ITGA6: variants seen among roughly 807,000 people sequenced by gnomAD.
The protein encoded by ITGA6 is integrin alpha-6.
In ITGA6, 63 loss-of-function variants were observed where a neutral mutation model predicts 133.6. That is an observed-to-expected ratio of 0.47 (90% CI 0.38 to 0.58). ITGA6 has a LOEUF of 0.58. ITGA6 is among the 20% of genes least tolerant of loss of function. The pLI is 0.00. For synonymous variants in ITGA6, 434 were observed against 482.0 expected (o/e 0.90, Z 1.30); for missense variants, 1,068 against 1,309.4 (o/e 0.82, Z 2.85).
At position 172,505,689 on chromosome 2, in the gene ITGA6, A is replaced by G. The variant is rs1012496330; in HGVS notation, c.*1621A>G. 3 of 152,622 alleles carry G rather than the reference A, an allele frequency of 2.0e-5. No homozygotes were observed. The highest frequency in any genetic ancestry group is 4.4e-5 in the Non-Finnish European group (3 of 68,022). 9.5% of individuals were successfully genotyped at this position (152,622 alleles called of 1,614,324 possible). A position where few individuals can be genotyped will look rare whatever the true frequency, so the allele number is the denominator to read the frequency against. Reference sequence around the variant, plus strand: ...TAAGCAGTGTCTGTGTTTTGAAAGAATAGAACACAGTTTGTAGTGCCACTG... The same window carrying G: ...TAAGCAGTGTCTGTGTTTTGAAAGAGTAGAACACAGTTTGTAGTGCCACTG... On this transcript the variant is annotated 3_prime_UTR_variant, in exon 26 of 26. Coordinates refer to ENST00000684293, the MANE Select transcript of ITGA6 (RefSeq NM_000210.4).
intron 1 of ITGA6, among the ~76,000 whole-genome samples, chr2:172,440,838 T>G (rs2149001731): frequency 6.6e-6 from 1 of 152,352 alleles, no homozygotes; most frequent in East Asian, 1.9e-4. Context: ...ATGTTGTTAG[T>G]ACTCCTTAAC....
At chr2:172,501,690 C>A in intron 24 of ITGA6, 82 bp from the exon 25 acceptor site, 2 of 1,396,960 alleles carry the variant, frequency 1.4e-6, no homozygotes, top group Non-Finnish European at 2.0e-6. Context: ...TAGTAGAAGG[C>A]AGATTAAAAT....
chr2:172,499,714 T>G (rs1213332707), intron 24 of ITGA6, among the ~76,000 whole-genome samples: 1 of 152,130 alleles, frequency 6.6e-6, no homozygotes, highest in Non-Finnish European at 1.5e-5. Context: ...TATTTGAGGA[T>G]GATGTTGTGT....
chr2:172,431,021 C>T (rs75918631), intron 1 of ITGA6, among the ~76,000 whole-genome samples: 9,587 of 152,214 alleles, frequency 0.063, 392 homozygotes, highest in South Asian at 0.18. Context: ...GAGATAGTCT[C>T]ATGAAGTCAT....
chr2:172,468,433 T>C (rs536854246), intron 3 of ITGA6, among the ~76,000 whole-genome samples: 27 of 152,328 alleles, frequency 1.8e-4, no homozygotes, highest in African/African-American at 3.8e-4. Context: ...AGTTTTGATA[T>C]TTAAGGAATG....
At chr2:172,476,893 G>A (rs1686197687) in intron 9 of ITGA6, among the ~76,000 whole-genome samples, 3 of 152,124 alleles carry the variant, frequency 2.0e-5, no homozygotes, top group Admixed American at 2.0e-4. Context: ...TCTGTGATTG[G>A]ACCATGTATA....
Position 172,501,790 on chromosome 2 carries a change from A to G in ITGA6, c.3133A>G (p.Asn1045Asp), listed in dbSNP as rs761099868. 5.6e-6 allele frequency: 9 copies of G among 1,612,746 alleles called. No individual in the cohort carries two copies. The South Asian group carries it at 9.9e-5, about 18-fold the overall frequency. ...ILWKCGFFKR[N>D]KKDHYDATYH... ...CTTGTAGTGTGGTTTCTTCAAGAGAAATAAGAAAGATCATTATGATGCCAC... is the reference window on the plus strand; with the variant it reads ...CTTGTAGTGTGGTTTCTTCAAGAGAGATAAGAAAGATCATTATGATGCCAC... The change falls in exon 25 of 26, where the codon AAT becomes GAT. Residue 1045 changes from asparagine to aspartate, a missense_variant. This residue lies in a region of ITGA6 where 609 missense variants were observed against 707.2 expected (regional missense o/e 0.86). Coordinates refer to ENST00000684293, the MANE Select transcript of ITGA6 (RefSeq NM_000210.4).
chr2:172,471,433 G>C (rs1014105441), intron 5 of ITGA6, among the ~76,000 whole-genome samples: 7 of 152,220 alleles, frequency 4.6e-5, no homozygotes, highest in African/African-American at 1.7e-4. Flanking sequence ...ATGCAGCCAT[G>C]AAAACATGCA....
intron 24 of ITGA6, among the ~76,000 whole-genome samples, chr2:172,501,529 A>G (rs112975228): frequency 6.6e-6 from 1 of 152,216 alleles, no homozygotes; most frequent in African/African-American, 2.4e-5. Flanking sequence ...TTTCTGTTAC[A>G]AAGAGAAAAA....
Position 172,501,842 on chromosome 2 carries a change from A to G in ITGA6, c.3185A>G (p.Gln1062Arg). 1.2e-6 allele frequency: 2 copies of G among 1,612,084 alleles called. No individual in the cohort carries two copies. The highest frequency in any genetic ancestry group is 4.5e-5 in the East Asian group (2 of 44,852). Residue 1062 changes from glutamine (Q) to arginine (R), a missense_variant, in exon 25 of 26, where the codon CAG becomes CGG. Gln to Arg is a conservative substitution (Grantham distance 43). This residue lies in a region of ITGA6 where 609 missense variants were observed against 707.2 expected (regional missense o/e 0.86). Coordinates refer to ENST00000684293, the MANE Select transcript of ITGA6 (RefSeq NM_000210.4). The part of the protein sequence containing the change: ...ATYHKAEIHA[Q>R]PSDKERLTSD... ...TATCACAAGGCTGAGATCCATGCTCAGCCATCTGATAAAGAGAGGCTTACT... is the reference window on the plus strand; with the variant it reads ...TATCACAAGGCTGAGATCCATGCTCGGCCATCTGATAAAGAGAGGCTTACT...
Position 172,487,946 on chromosome 2 carries a change from C to A in ITGA6, c.2325-15C>A. On this transcript the variant is annotated splice_polypyrimidine_tract_variant and intron_variant, in intron 17 of 25. Coordinates refer to ENST00000684293, the MANE Select transcript of ITGA6 (RefSeq NM_000210.4). ...CTGGTAAAATACAACCCTATTGTTT[C>A]CTTTTCATTTTCAGAACAAGCAATC... 4.3e-6 allele frequency: 7 copies of A among 1,610,144 alleles called. No homozygotes were observed. Among genetic ancestry groups the A allele is most frequent in the Non-Finnish European group, 5.9e-6 (7 of 1,176,612 alleles).
rs775646438 is a variant in ITGA6 at position 172,479,614 on chromosome 2, C to G, written c.1389-27C>G. On this transcript the variant is annotated intron_variant, in intron 9 of 25. Transcript: ENST00000684293. The stretch of plus-strand genomic sequence containing the variant: ...CACATTCAAGGTAACAGAGGCTGAG[C>G]TTGTTTTTCACTCCTTTTGTCTTCA... 2.2e-5 allele frequency: 35 copies of G among 1,579,412 alleles called. No homozygotes were observed. In the Admixed American group the frequency reaches 3.3e-4, roughly 15 times the overall value.
In ITGA6 at chr2:172,474,160, G is replaced by A. The variant is rs1302637045; in HGVS notation, c.881G>A (p.Arg294Lys). 1.9e-6 allele frequency: 3 copies of A among 1,614,122 alleles called. No individual in the cohort carries two copies. Among genetic ancestry groups the A allele is most frequent in the Non-Finnish European group, 2.5e-6 (3 of 1,180,030 alleles). ...NHSGAVVLLK[R>K]DMKSAHLLPE... Reference sequence around the variant, plus strand: ...AGTGGAGCCGTGGTTTTGCTGAAGAGAGACATGAAGTCTGCACATCTCCTC... The same window carrying A: ...AGTGGAGCCGTGGTTTTGCTGAAGAAAGACATGAAGTCTGCACATCTCCTC... Residue 294 changes from arginine (R) to lysine (K), a missense_variant, in exon 6 of 26, where the codon AGA (arginine) becomes AAA (lysine). Physicochemically the swap from Arg to Lys is conservative, Grantham distance 26 (BLOSUM62 2). Around this residue, in one of 3 missense-constraint regions of ITGA6, gnomAD observed 317 missense variants for 456.9 expected, o/e 0.69. Coordinates refer to ENST00000684293, the MANE Select transcript of ITGA6 (RefSeq NM_000210.4).
intron 1 of ITGA6, among the ~76,000 whole-genome samples, chr2:172,432,185 T>G (rs1327489856): frequency 6.6e-6 from 1 of 152,194 alleles, no homozygotes; most frequent in Admixed American, 6.5e-5. Context: ...AAACACTGAT[T>G]TAGTGCTGAA....
At chr2:172,469,697 T>A (rs1262108218) in intron 4 of ITGA6, among the ~76,000 whole-genome samples, 1 of 152,206 alleles carries the variant, frequency 6.6e-6, no homozygotes, top group South Asian at 2.1e-4. Context: ...GCTGGAAGTG[T>A]TAATTTTAAG....
intron 1 of ITGA6, among the ~76,000 whole-genome samples, chr2:172,460,558 A>G (rs1412814691): frequency 6.6e-6 from 1 of 152,228 alleles, no homozygotes; most frequent in Non-Finnish European, 1.5e-5. Context: ...ATAATCCAGA[A>G]TTATGGAGAA....
At position 172,491,506 on chromosome 2, in the gene ITGA6, C is replaced by T. The variant is rs1250690943; in HGVS notation, c.2971C>T (p.Pro991Ser). The T allele has an allele frequency of 6.2e-7, 1 of 1,612,198 alleles. No homozygotes were observed. Among genetic ancestry groups the T allele is most frequent in the Non-Finnish European group, 8.5e-7 (1 of 1,178,826 alleles). ...VTAAAENIRL[P>S]NAGTQVRVTV... ...TGCTGCTGCCGAAAATATCAGGCTG[C>T]CAAATGCAGGCACTCAGGTGAGAGG... The change falls in exon 23 of 26, where the codon CCA becomes TCA. Residue 991 changes from proline to serine, a missense_variant. Pro to Ser is a moderately conservative substitution (Grantham distance 74, BLOSUM62 -1). This residue lies in a region of ITGA6 where 609 missense variants were observed against 707.2 expected (regional missense o/e 0.86). Transcript: ENST00000684293. The surrounding 1 kb of genome is among the most constrained non-coding windows in gnomAD (Gnocchi z 4.4).
chr2:172,497,866 C>T, intron 23 of ITGA6, 109 bp from the exon 24 acceptor site: 1 of 1,122,320 alleles, frequency 8.9e-7, no homozygotes, highest in Non-Finnish European at 1.4e-6. Flanking sequence ...CATCCATTCA[C>T]AGGCTGCATT....
intron 23 of ITGA6, among the ~76,000 whole-genome samples, chr2:172,493,873 G>T (rs933143948): frequency 6.6e-6 from 1 of 152,176 alleles, no homozygotes; most frequent in South Asian, 2.1e-4. Context: ...TGATGACTGG[G>T]TCACAAATGA....
Sources: allele counts gnomAD v4.1 joint callset (sites outside exome capture counted in the v4.1 genomes callset), GRCh38; gene constraint gnomAD v4.1.1; regional missense constraint gnomAD v4.1.1; non-coding constraint Gnocchi (gnomAD v3.1); transcripts MANE v1.5; gene names NCBI Gene and HGNC (gene_info 2026-07-23, HGNC 2026-07-21).